ATG4B: variants seen among roughly 807,000 people sequenced by gnomAD.
The protein encoded by ATG4B is autophagy related 4B cysteine peptidase.
Under a neutral mutation model 56.6 loss-of-function variants are expected in ATG4B, and 29 were observed. That is an observed-to-expected ratio of 0.51 (90% confidence interval 0.38 to 0.70). The LOEUF (loss-of-function observed/expected upper bound fraction) is 0.70. Ranked by LOEUF, ATG4B falls within the 30% of genes least tolerant of loss-of-function variation. ATG4B has a pLI of 0.00. For synonymous variants in ATG4B, 224 were observed against 206.1 expected, an observed-to-expected ratio of 1.09 and a Z score of -0.74; for missense variants, 461 against 515.5, an observed-to-expected ratio of 0.89 and a Z score of 1.02.
At chr2:241,669,229 C>T (rs1158226927) in intron 10 of ATG4B, among the ~76,000 whole-genome samples, 1 of 152,180 alleles carries the variant, frequency 6.6e-6, no homozygotes, top group Non-Finnish European at 1.5e-5. Context: ...TTATGCAGAC[C>T]TGCCTGCCCT....
At chr2:241,659,247 T>C (rs752248903) in intron 7 of ATG4B, 60 bp downstream of exon 7, 2 of 1,469,628 alleles carry the variant, frequency 1.4e-6, no homozygotes, top group South Asian at 2.3e-5. Context: ...CATACACACT[T>C]CCTCGCCTGA....
At chr2:241,656,179 G>A (rs961591820) in intron 6 of ATG4B, among the ~76,000 whole-genome samples, 1 of 152,094 alleles carries the variant, frequency 6.6e-6, no homozygotes, top group Non-Finnish European at 1.5e-5. Flanking sequence ...TTCCTGAAAT[G>A]GCCCTGTCTC....
chr2:241,663,833 A>G (rs1018403512), intron 7 of ATG4B, among the ~76,000 whole-genome samples: 1 of 147,804 alleles, frequency 6.8e-6, no homozygotes. Flanking sequence ...TTTTTGGAAC[A>G]GTTCTGCTCT....
At chr2:241,672,017 C>T (rs1368689710) in intron 12 of ATG4B, 174 bp from the exon 13 acceptor site, 3 of 1,425,784 alleles carry the variant, frequency 2.1e-6, no homozygotes, top group Non-Finnish European at 2.7e-6. Context: ...TCTGCTCCCT[C>T]CCCCCATATT....
At chr2:241,652,941 G>T (rs889965440) in intron 3 of ATG4B, among the ~76,000 whole-genome samples, 7 of 152,232 alleles carry the variant, frequency 4.6e-5, no homozygotes, top group African/African-American at 7.2e-5. Context: ...TCACAGCTGT[G>T]CAGTGGCCTT....
In ATG4B at chr2:241,666,708, G is replaced by C; in HGVS notation, c.602G>C (p.Arg201Pro). The C allele has an allele frequency of 6.2e-7, 1 of 1,612,972 alleles. No individual in the cohort carries two copies. Among genetic ancestry groups the C allele is most frequent in the African/African-American group, 1.3e-5 (1 of 75,046 alleles). The change falls in exon 8 of 13, where the codon CGG (arginine) becomes CCG (proline). Residue 201 changes from arginine to proline, a missense_variant. By Grantham distance (103) the Arg-to-Pro change is moderately radical. Transcript: ENST00000404914. ...GATAFPADSDRHCNGFPAGAE... is the reference protein window; with the variant it reads ...GATAFPADSDPHCNGFPAGAE... ...ACTGCGTTTCCTGCAGATTCCGACC[G>C]GCACTGCAACGGATTCCCTGCCGGA...
chr2:241,637,813 C>T (rs1217474235), intron 1 of ATG4B, 89 bp downstream of exon 1: 14 of 1,433,470 alleles, frequency 9.8e-6, no homozygotes, highest in Non-Finnish European at 1.3e-5. Context: ...CCGCGACTCG[C>T]CTCGGGGCAC....
Position 241,659,129 on chromosome 2 carries a change from G to A in ATG4B, c.480G>A (p.Thr160=), listed in dbSNP as rs201030982. 2.1e-4 allele frequency: 333 copies of A among 1,610,858 alleles called. No homozygotes were observed. Among genetic ancestry groups the A allele is most frequent in the Non-Finnish European group, 5.7e-5 (67 of 1,177,524 alleles). Reference sequence around the variant, plus strand: ...GTAGGAAGCTTGCTGTCTTCGATACGTGGAGCTCCTTGGCGGTCCACATTG... The same window carrying A: ...GTAGGAAGCTTGCTGTCTTCGATACATGGAGCTCCTTGGCGGTCCACATTG... ...QVLKKLAVFD[T]WSSLAVHIAM... The change falls in exon 7 of 13, where the codon ACG becomes ACA. Residue 160 remains threonine (T), a synonymous_variant. Coordinates refer to ENST00000404914, the MANE Select transcript of ATG4B (RefSeq NM_013325.5).
chr2:241,672,210 A>G lies in ATG4B; in HGVS notation c.1128A>G (p.Arg376=). The G allele has an allele frequency of 6.3e-7, 1 of 1,585,408 alleles. No individual in the cohort carries two copies. Among genetic ancestry groups the G allele is most frequent in the East Asian group, 2.3e-5 (1 of 43,738 alleles). The part of the protein sequence containing the change: ...NLSLDSSDVE[R]LERFFDSEDE... ...TTCTAGATTCTTCTGATGTAGAGCG[A>G]CTGGAAAGATTCTTCGACTCAGAAG... Residue 376 remains arginine (R), a synonymous_variant, in exon 13 of 13, where the codon CGA becomes CGG. Coordinates refer to ENST00000404914, the MANE Select transcript of ATG4B (RefSeq NM_013325.5).
At chr2:241,667,950 T>G in intron 8 of ATG4B, 193 bp from the exon 9 acceptor site, 12 of 560,496 alleles carry the variant, frequency 2.1e-5, no homozygotes, top group Admixed American at 3.2e-5. Context: ...AGCCTGCAGA[T>G]TGGGTTTCTT....
Position 241,666,753 on chromosome 2 carries a change from C to T in ATG4B, c.647C>T (p.Pro216Leu), listed in dbSNP as rs749191852. ...GCCGGAGCTGAGGTCACCAACAGGCCGTCGCCATGGAGACCCCTGGTACTT... is the reference window on the plus strand; with the variant it reads ...GCCGGAGCTGAGGTCACCAACAGGCTGTCGCCATGGAGACCCCTGGTACTT... ...FPAGAEVTNRPSPWRPLVLLI... is the reference protein window; with the variant it reads ...FPAGAEVTNRLSPWRPLVLLI... The change falls in exon 8 of 13, where the codon CCG becomes CTG. Residue 216 changes from proline (P) to leucine (L), a missense_variant. By Grantham distance (98) the Pro-to-Leu change is moderately conservative. Transcript: ENST00000404914. 39 of 1,605,940 alleles carry T rather than the reference C, an allele frequency of 2.4e-5. No homozygotes were observed. Among genetic ancestry groups the T allele is most frequent in the South Asian group, 3.3e-5 (3 of 89,676 alleles).
rs1223349309 is a variant in ATG4B at position 241,673,212 on chromosome 2, T to G, written c.*948T>G. On this transcript the variant is annotated 3_prime_UTR_variant, in exon 13 of 13. Transcript: ENST00000404914. ...AAAACCACTTGAGTCTTGTGGTGTG[T>G]GGTGGGCAGACACCACAGGGTGGCA... The G allele has an allele frequency of 3.5e-6, 1 of 289,778 alleles. No individual in the cohort carries two copies. Among genetic ancestry groups the G allele is most frequent in the East Asian group, 8.0e-5 (1 of 12,538 alleles). The allele number at this position is 289,778 out of a possible 1,614,324, so 18.0% of individuals were successfully genotyped here.
chr2:241,648,592 C>CT (rs1160600965), intron 1 of ATG4B, among the ~76,000 whole-genome samples: 5 of 105,642 alleles, frequency 4.7e-5, no homozygotes, highest in Non-Finnish European at 7.4e-5. Flanking sequence ...GAGTCCCGGT[C>CT]TCAAAAAAAA....
Position 241,673,182 on chromosome 2 carries a change from A to AG in ATG4B, c.*922dup, listed in dbSNP as rs2069039501. ...AGGTGTTAGGTGGTTTAGGGCCAAA[A>AG]GGGGAAAACCACTTGAGTCTTGTGG... On this transcript the variant is annotated 3_prime_UTR_variant, in exon 13 of 13. Coordinates refer to ENST00000404914, the MANE Select transcript of ATG4B (RefSeq NM_013325.5). 1 of 223,144 alleles carries AG rather than the reference A, an allele frequency of 4.5e-6. No individual in the cohort carries two copies. Among genetic ancestry groups the AG allele is most frequent in the African/African-American group, 2.3e-5 (1 of 44,414 alleles). The allele number at this position is 223,144 out of a possible 1,614,324, so 13.8% of individuals were successfully genotyped here.
chr2:241,672,085 G>A (rs1400526952), intron 12 of ATG4B, 106 bp from the exon 13 acceptor site: 6 of 1,502,830 alleles, frequency 4.0e-6, no homozygotes, highest in Admixed American at 2.2e-5. Flanking sequence ...GCTGTCTGTG[G>A]GCTGCAGAGC....
chr2:241,673,475 T>C lies in ATG4B; in HGVS notation c.*1211T>C. 1 of 417,454 alleles carries C rather than the reference T, an allele frequency of 2.4e-6. No homozygotes were observed. The highest frequency in any genetic ancestry group is 4.9e-6 in the Non-Finnish European group (1 of 203,840). The allele number at this position is 417,454 out of a possible 1,614,324, so 25.9% of individuals were successfully genotyped here. On this transcript the variant is annotated 3_prime_UTR_variant, in exon 13 of 13. Transcript: ENST00000404914. ...CAGGACTCGCTGCTGCTGCTGCTGC[T>C]TGTGTAGGTCGGGGAGCCAGAGATC...
intron 7 of ATG4B, among the ~76,000 whole-genome samples, chr2:241,663,562 G>A (rs965119909): frequency 6.6e-6 from 1 of 152,126 alleles, no homozygotes; most frequent in Non-Finnish European, 1.5e-5. Context: ...CTAGTATATG[G>A]GTTCTTTACA....
intron 12 of ATG4B, 141 bp downstream of exon 12, chr2:241,671,546 G>A: frequency 1.3e-6 from 2 of 1,538,800 alleles, no homozygotes; most frequent in Admixed American, 2.0e-5. Context: ...TCGCCTGTGA[G>A]ACCAGGTATG....
chr2:241,667,074 T>C (rs1440067524), intron 8 of ATG4B, among the ~76,000 whole-genome samples: 1 of 152,182 alleles, frequency 6.6e-6, no homozygotes. Context: ...GATGAAAGCA[T>C]GAGGCGCTTG....
Sources: allele counts gnomAD v4.1 joint callset (sites outside exome capture counted in the v4.1 genomes callset), GRCh38; gene constraint gnomAD v4.1.1; transcripts MANE v1.5; gene names NCBI Gene and HGNC (gene_info 2026-07-23, HGNC 2026-07-21).